Variants in PCDHA2 observed in about 807,000 individuals in gnomAD.
The protein encoded by PCDHA2 is protocadherin alpha 2.
In PCDHA2, 58 loss-of-function variants were observed where a neutral mutation model predicts 66.0. That is an observed-to-expected ratio of 0.88 (90% CI 0.71 to 1.09). The LOEUF is 1.09. PCDHA2 is among the 50% of genes least tolerant of loss of function. The pLI is 0.00. For synonymous variants in PCDHA2, 634 were observed against 554.0 expected (o/e 1.14, Z -2.03); for missense variants, 1,267 against 1,242.3 (o/e 1.02, Z -0.30).
At chr5:140,848,863 T>G (rs1581167323) in intron 1 of PCDHA2, 1 of 1,589,778 alleles carries the variant, frequency 6.3e-7, no homozygotes, top group African/African-American at 1.4e-5. Context: ...GACGTGGAGG[T>G]GAAGGACATT....
chr5:140,801,963 C>A lies in PCDHA2; in HGVS notation c.2388+4611C>A, dbSNP rs17844252. 99 of 1,614,154 alleles carry A rather than the reference C, an allele frequency of 6.1e-5. 1 individual carries two copies. In the East Asian group the frequency reaches 1.5e-3, roughly 25 times the overall value. The stretch of plus-strand genomic sequence containing the variant: ...TAAAGTCAGATTACTCGAAAATGCA[C>A]CAAATGGTACCCTAGTGGTGACCGT... On this transcript the variant is annotated intron_variant, in intron 1 of 3. Coordinates refer to ENST00000526136, the MANE Select transcript of PCDHA2 (RefSeq NM_018905.3).
At chr5:140,798,356 A>G (rs916416018) in intron 1 of PCDHA2, among the ~76,000 whole-genome samples, 2 of 152,198 alleles carry the variant, frequency 1.3e-5, no homozygotes, top group African/African-American at 4.8e-5. Context: ...AACATTTTTG[A>G]GTTATCAGGC....
Position 140,836,166 on chromosome 5 carries a change from C to T in PCDHA2, c.2388+38814C>T, listed in dbSNP as rs373780071. On this transcript the variant is annotated intron_variant, in intron 1 of 3. Coordinates refer to ENST00000526136, the MANE Select transcript of PCDHA2 (RefSeq NM_018905.3). ...CGCGGGCCATGTGGTGGCGAAGGTACGTGCAGTTGACGCTGACTCAGGCTA... is the reference window on the plus strand; with the variant it reads ...CGCGGGCCATGTGGTGGCGAAGGTATGTGCAGTTGACGCTGACTCAGGCTA... The T allele has an allele frequency of 4.3e-6, 7 of 1,613,708 alleles. No homozygotes were observed. In the African/African-American group the frequency reaches 5.3e-5, roughly 12 times the overall value.
intron 1 of PCDHA2, chr5:140,882,683 C>G (rs1554175163): frequency 6.2e-7 from 1 of 1,614,148 alleles, no homozygotes; most frequent in Non-Finnish European, 8.5e-7. Flanking sequence ...AAGCAAGAAA[C>G]GAATAATCAT....
intron 1 of PCDHA2, among the ~76,000 whole-genome samples, chr5:140,798,488 C>T (rs1053291184): frequency 2.0e-5 from 3 of 152,158 alleles, no homozygotes; most frequent in African/African-American, 7.2e-5. Context: ...TAAGTGGAGA[C>T]TACCCAGTCT....
intron 1 of PCDHA2, chr5:140,814,494 A>G (rs1269898592): frequency 1.3e-5 from 2 of 151,836 alleles, no homozygotes; most frequent in African/African-American, 2.4e-5. Flanking sequence ...TAGAAAGAGT[A>G]CACTGTAAAA....
chr5:140,871,280 C>A, intron 1 of PCDHA2: 1 of 1,613,916 alleles, frequency 6.2e-7, no homozygotes, highest in Non-Finnish European at 8.5e-7. Context: ...TCGGCAACGC[C>A]CACTGAGGGC....
intron 1 of PCDHA2, chr5:140,968,442 T>G (rs1245424149): frequency 3.1e-6 from 5 of 1,613,950 alleles, no homozygotes; most frequent in Non-Finnish European, 4.2e-6. Context: ...AGCCCACCAC[T>G]GAGCAGCACT....
chr5:140,984,969 G>A (rs1045140349), intron 3 of PCDHA2, among the ~76,000 whole-genome samples: 8 of 151,670 alleles, frequency 5.3e-5, no homozygotes, highest in South Asian at 2.1e-4. Context: ...ACAGAGTCTC[G>A]CTCTGTCCCC....
chr5:141,009,330 G>A (rs1355837607), intron 3 of PCDHA2, among the ~76,000 whole-genome samples: 2 of 152,192 alleles, frequency 1.3e-5, no homozygotes, highest in African/African-American at 2.4e-5. Context: ...ATGGGAGCTT[G>A]TGCCTGTAGT....
At chr5:140,975,552 G>A (rs1416724640) in intron 1 of PCDHA2, among the ~76,000 whole-genome samples, 1 of 152,200 alleles carries the variant, frequency 6.6e-6, no homozygotes, top group Non-Finnish European at 1.5e-5. Flanking sequence ...CTATTAGGAA[G>A]GAAAAGGAGA....
In PCDHA2 at chr5:140,796,983, C is replaced by T. The variant is rs1017442866; in HGVS notation, c.2019C>T (p.Gly673=). The T allele has an allele frequency of 1.2e-6, 2 of 1,613,770 alleles. No homozygotes were observed. The highest frequency in any genetic ancestry group is 1.3e-5 in the African/African-American group (1 of 75,048). ...ATVLVSLVES[G]QAPKASSRAW... ...TGTTAGTGTCGTTGGTGGAAAGTGGCCAGGCACCCAAGGCCTCGTCGCGGG... is the reference window on the plus strand; with the variant it reads ...TGTTAGTGTCGTTGGTGGAAAGTGGTCAGGCACCCAAGGCCTCGTCGCGGG... The change falls in exon 1 of 4, where the codon GGC becomes GGT. Residue 673 remains glycine (G), a synonymous_variant. Transcript: ENST00000526136.
intron 1 of PCDHA2, among the ~76,000 whole-genome samples, chr5:140,924,551 AT>A (rs2153572839): frequency 6.6e-6 from 1 of 152,240 alleles, no homozygotes; most frequent in African/African-American, 2.4e-5. Context: ...TCTCCCCACC[AT>A]TTTAATCAGC....
chr5:140,967,332 C>G, intron 1 of PCDHA2: 2 of 1,608,024 alleles, frequency 1.2e-6, no homozygotes, highest in Non-Finnish European at 1.7e-6. Context: ...GAGCTCAGCC[C>G]CAGCGAGCAC....
Position 141,010,268 on chromosome 5 carries a change from A to T in PCDHA2, c.*331A>T. 1 of 1,551,622 alleles carries T rather than the reference A, an allele frequency of 6.4e-7. No homozygotes were observed. Among genetic ancestry groups the T allele is most frequent in the Non-Finnish European group, 8.7e-7 (1 of 1,146,964 alleles). On this transcript the variant is annotated 3_prime_UTR_variant, in exon 4 of 4. Coordinates refer to ENST00000526136, the MANE Select transcript of PCDHA2 (RefSeq NM_018905.3). ...GGACTCTCTGCCCTGTGCTCCGGGG[A>T]TCCTGTCTTGATGACACTTGCAGGG...
intron 1 of PCDHA2, among the ~76,000 whole-genome samples, chr5:140,916,789 C>T (rs146305877): frequency 2.8e-4 from 42 of 152,168 alleles, no homozygotes; most frequent in Non-Finnish European, 4.7e-4. Context: ...TTAGCTGCCC[C>T]AGCTGATGAC....
chr5:140,992,070 GA>G (rs1554252639), intron 3 of PCDHA2, among the ~76,000 whole-genome samples: 1 of 151,052 alleles, frequency 6.6e-6, no homozygotes, highest in Non-Finnish European at 1.5e-5. Context: ...AATTTCAGTA[GA>G]GAATGAGCTA....
intron 3 of PCDHA2, among the ~76,000 whole-genome samples, chr5:140,987,383 G>A (rs2097252098): frequency 6.6e-6 from 1 of 152,138 alleles, no homozygotes; most frequent in Admixed American, 6.5e-5. Flanking sequence ...GGGTCAGAAT[G>A]CATGCAAGGA....
At chr5:140,964,367 T>C (rs1269937571) in intron 1 of PCDHA2, among the ~76,000 whole-genome samples, 1 of 152,178 alleles carries the variant, frequency 6.6e-6, no homozygotes, top group Non-Finnish European at 1.5e-5. Context: ...ACAAGAGTGC[T>C]GAAAGGAGAG....
Sources: gnomAD v4.1 joint callset for allele counts (sites outside exome capture counted in the v4.1 genomes callset) on GRCh38, gnomAD v4.1.1 for gene constraint, MANE v1.5 for transcripts, NCBI Gene and HGNC (gene_info 2026-07-23, HGNC 2026-07-21) for gene names.